The following SIK2 variants were observed in gnomAD, a reference collection of about 807,000 sequenced individuals.
SIK2 encodes the protein serine/threonine-protein kinase SIK2.
Under a neutral mutation model 103.2 loss-of-function variants are expected in SIK2, and 29 were observed. That is an observed-to-expected ratio of 0.28 (90% CI 0.21 to 0.38). SIK2 has a LOEUF of 0.38. Ranked by LOEUF, SIK2 falls within the 10% of genes least tolerant of loss-of-function variation. The pLI is 1.00. For synonymous variants in SIK2, 412 were observed against 446.1 expected (o/e 0.92, Z 0.96); for missense variants, 879 against 1,171.0 (o/e 0.75, Z 3.64).
At chr11:111,653,050 C>G (rs1942347075) in intron 3 of SIK2, among the ~76,000 whole-genome samples, 1 of 152,148 alleles carries the variant, frequency 6.6e-6, no homozygotes, top group South Asian at 2.1e-4. Context: ...ATCCAGGGCT[C>G]TGAATTTTTA....
intron 9 of SIK2, 26 bp from the exon 10 acceptor site, chr11:111,719,747 TGA>T (rs760465918): frequency 6.3e-7 from 1 of 1,598,178 alleles, no homozygotes; most frequent in Non-Finnish European, 8.5e-7. Flanking sequence ...GTGCAGAAAC[TGA>T]GTTTCCTCTC....
intron 2 of SIK2, among the ~76,000 whole-genome samples, chr11:111,618,651 A>C (rs1238943672): frequency 6.6e-6 from 1 of 152,198 alleles, no homozygotes; most frequent in African/African-American, 2.4e-5. Flanking sequence ...TTTAGCCTGG[A>C]TAACACAGAG....
At chr11:111,650,453 G>C (rs969487054) in intron 3 of SIK2, among the ~76,000 whole-genome samples, 3 of 151,940 alleles carry the variant, frequency 2.0e-5, no homozygotes, top group African/African-American at 7.3e-5. Context: ...ATGCTTCTTT[G>C]CCTGTCATTT....
chr11:111,704,516 GC>G (rs1035552728), intron 7 of SIK2, among the ~76,000 whole-genome samples: 2 of 152,160 alleles, frequency 1.3e-5, no homozygotes, highest in African/African-American at 4.8e-5. Flanking sequence ...CCATTCTCCA[GC>G]CCAAAATAAT....
At chr11:111,661,758 G>T (rs1406523848) in intron 3 of SIK2, among the ~76,000 whole-genome samples, 4 of 152,210 alleles carry the variant, frequency 2.6e-5, no homozygotes, top group Non-Finnish European at 5.9e-5. Context: ...CATCTTACAT[G>T]GCAGCAGGCA....
chr11:111,720,059 A>C, intron 10 of SIK2, 56 bp downstream of exon 10: 1 of 1,534,924 alleles, frequency 6.5e-7, no homozygotes, highest in Non-Finnish European at 8.9e-7. Flanking sequence ...TCATACTCCA[A>C]TTGCCAACAA....
At chr11:111,696,661 G>A (rs2135911932) in intron 4 of SIK2, among the ~76,000 whole-genome samples, 1 of 152,286 alleles carries the variant, frequency 6.6e-6, no homozygotes. Context: ...GAATGCCCAA[G>A]TGATTGTTTT....
chr11:111,728,167 G>A lies in SIK2; in HGVS notation c.*4038G>A, dbSNP rs1004097148. ...CTAACTGCCTCCTGGGAAGCCACCC[G>A]AGCCACTCGGTCTCTTTGTGCCTAA... On this transcript the variant is annotated 3_prime_UTR_variant, in exon 15 of 15. Transcript: ENST00000304987. 12 of 152,158 alleles carry A rather than the reference G, an allele frequency of 7.9e-5. No homozygotes were observed. The highest frequency in any genetic ancestry group is 1.9e-4 in the African/African-American group (8 of 41,434). 9.4% of individuals were successfully genotyped at this position (152,158 alleles called of 1,614,324 possible).
chr11:111,713,162 C>T (rs1198924414), intron 9 of SIK2, among the ~76,000 whole-genome samples: 1 of 150,718 alleles, frequency 6.6e-6, no homozygotes, highest in East Asian at 2.0e-4. Context: ...GAGACTCCAT[C>T]TCAAAAAATT....
At chr11:111,702,500 G>A (rs1234254029) in intron 6 of SIK2, among the ~76,000 whole-genome samples, 1 of 152,144 alleles carries the variant, frequency 6.6e-6, no homozygotes, top group Admixed American at 6.5e-5. Flanking sequence ...GAGGCAGAAG[G>A]ATTGCTTACA....
chr11:111,624,801 A>G (rs1485379644), intron 3 of SIK2, among the ~76,000 whole-genome samples: 2 of 152,188 alleles, frequency 1.3e-5, no homozygotes, highest in East Asian at 1.9e-4. Flanking sequence ...AATTAAATAG[A>G]GTGGTCAGAG....
chr11:111,622,489 C>T (rs1013576537), intron 3 of SIK2, among the ~76,000 whole-genome samples: 3 of 151,888 alleles, frequency 2.0e-5, no homozygotes, highest in Non-Finnish European at 2.9e-5. Context: ...CACCTGACAT[C>T]GTGATCCGCC....
intron 1 of SIK2, among the ~76,000 whole-genome samples, chr11:111,610,046 T>A (rs1403975244): frequency 3.3e-5 from 5 of 152,246 alleles, no homozygotes; most frequent in Admixed American, 3.3e-4. Context: ...AGCTCTTATT[T>A]GTAACTTCTT....
intron 3 of SIK2, among the ~76,000 whole-genome samples, chr11:111,622,518 T>C (rs1455161644): frequency 6.6e-6 from 1 of 152,144 alleles, no homozygotes; most frequent in Non-Finnish European, 1.5e-5. Flanking sequence ...CCTCCCAAAG[T>C]GCTGGGATTA....
intron 3 of SIK2, among the ~76,000 whole-genome samples, chr11:111,675,769 G>A (rs1035744186): frequency 1.3e-5 from 2 of 152,076 alleles, no homozygotes; most frequent in Non-Finnish European, 2.9e-5. Context: ...TTTATGTTAG[G>A]TTCAAGCGAG....
chr11:111,630,558 G>A (rs1253754773), intron 3 of SIK2, among the ~76,000 whole-genome samples: 1 of 152,112 alleles, frequency 6.6e-6, no homozygotes, highest in Non-Finnish European at 1.5e-5. Context: ...GAATAGAAGT[G>A]ATCAATGAAG....
intron 3 of SIK2, among the ~76,000 whole-genome samples, chr11:111,686,274 C>A (rs1942844746): frequency 6.6e-6 from 1 of 152,078 alleles, no homozygotes; most frequent in Non-Finnish European, 1.5e-5. Flanking sequence ...AACCTCGTCT[C>A]TACTACAAAT....
Position 111,703,360 on chromosome 11 carries a change from G to T in SIK2, c.885G>T (p.Glu295Asp), listed in dbSNP as rs1943261921. 1 of 1,614,122 alleles carries T rather than the reference G, an allele frequency of 6.2e-7. No homozygotes were observed. The highest frequency in any genetic ancestry group is 1.3e-5 in the African/African-American group (1 of 75,056). ...AAGAAAATGAGCCATCCATCGGGGA[G>T]TTTAATGAGCAGGTTCTGCGACTGA... ...QEQENEPSIG[E>D]FNEQVLRLMH... is the part of the protein sequence containing the mutation. Residue 295 changes from glutamate (E) to aspartate (D), a missense_variant, in exon 7 of 15, where the codon GAG becomes GAT. Physicochemically the swap from Glu to Asp is conservative, Grantham distance 45. Coordinates refer to ENST00000304987, the MANE Select transcript of SIK2 (RefSeq NM_015191.3).
chr11:111,705,109 T>C lies in SIK2; in HGVS notation c.1071T>C (p.Pro357=). ...EQRLDGRQRR[P]STIAEQTVAK... The stretch of plus-strand genomic sequence containing the variant: ...GACTTGATGGCCGCCAGCGTCGGCC[T>C]AGCACCATTGCTGAGCAAACAGTTG... The change falls in exon 8 of 15, where the codon CCT becomes CCC. Residue 357 remains proline (P), a synonymous_variant. Transcript: ENST00000304987. The surrounding 1 kb of genome is among the most constrained non-coding windows in gnomAD (Gnocchi z 4.3). 1 of 1,591,906 alleles carries C rather than the reference T, an allele frequency of 6.3e-7. No individual in the cohort carries two copies. The highest frequency in any genetic ancestry group is 8.5e-7 in the Non-Finnish European group (1 of 1,173,128).
Sources: gnomAD v4.1 joint callset for allele counts (sites outside exome capture counted in the v4.1 genomes callset) on GRCh38, gnomAD v4.1.1 for gene constraint, Gnocchi (gnomAD v3.1) non-coding constraint, MANE v1.5 for transcripts, NCBI Gene and HGNC (gene_info 2026-07-23, HGNC 2026-07-21) for gene names.